NFIB: variants seen among roughly 807,000 people sequenced by gnomAD.
NFIB encodes nuclear factor I B.
A neutral mutation model predicts 61.5 loss-of-function variants in NFIB; 11 were observed. The observed-to-expected ratio is 0.18, with a 90% CI of 0.11 to 0.30. NFIB has a LOEUF of 0.30. NFIB is among the 10% of genes least tolerant of loss of function. The pLI is 1.00. For synonymous variants in NFIB, 260 were observed against 216.5 expected (o/e 1.20, Z -1.76); for missense variants, 471 against 608.9 (o/e 0.77, Z 2.38).
intron 1 of NFIB, among the ~76,000 whole-genome samples, chr9:14,381,790 T>C (rs976825950): frequency 1.3e-5 from 2 of 152,254 alleles, no homozygotes; most frequent in Non-Finnish European, 2.9e-5. Flanking sequence ...TACTAGAATG[T>C]AAGCTCTGAA....
chr9:14,101,656 G>C (rs960778272), intron 10 of NFIB, among the ~76,000 whole-genome samples: 35 of 152,068 alleles, frequency 2.3e-4, no homozygotes, highest in African/African-American at 8.2e-4. Context: ...TATTTAATTT[G>C]TCAATTTGAC....
the NFIB span, among the ~76,000 whole-genome samples, chr9:14,463,809 C>T: frequency 3.3e-5 from 5 of 152,032 alleles, no homozygotes; most frequent in Admixed American, 6.5e-5. Context: ...TACAGGCGCC[C>T]GCCACCAAGC....
chr9:14,149,699 C>G (rs924795640), intron 5 of NFIB, among the ~76,000 whole-genome samples: 6 of 152,070 alleles, frequency 3.9e-5, no homozygotes, highest in African/African-American at 1.4e-4. Flanking sequence ...AAACTGTGGT[C>G]TTTAATTTTA....
At chr9:14,414,101 C>T in the NFIB span, among the ~76,000 whole-genome samples, 1 of 152,110 alleles carries the variant, frequency 6.6e-6, no homozygotes, top group African/African-American at 2.4e-5. Flanking sequence ...TAGTGAGGCA[C>T]ATGCCATGTC....
Position 14,088,151 on chromosome 9 carries a change from AT to A in NFIB, c.*157del. 7.3e-7 allele frequency: 1 copy of A among 1,370,584 alleles called. No homozygotes were observed. Among genetic ancestry groups the A allele is most frequent in the Non-Finnish European group, 9.5e-7 (1 of 1,049,046 alleles). The allele number at this position is 1,370,584 out of a possible 1,614,324, so 84.9% of individuals were successfully genotyped here. On this transcript the variant is annotated 3_prime_UTR_variant, in exon 11 of 11. Coordinates refer to ENST00000380953, the MANE Select transcript of NFIB (RefSeq NM_001190737.2). ...AGTCTTCCTCTTTTCCTTTTTTTTT[AT>A]TTAAAAAAAAAATTTCTTAAACTAT...
At chr9:14,197,937 T>A (rs1161185560) in intron 2 of NFIB, among the ~76,000 whole-genome samples, 2 of 151,970 alleles carry the variant, frequency 1.3e-5, no homozygotes, top group South Asian at 2.1e-4. Context: ...AAAATTAAAC[T>A]GAGCTTAGGA....
intron 2 of NFIB, chr9:14,204,192 C>CA: frequency 1.9e-6 from 1 of 537,604 alleles, no homozygotes; most frequent in South Asian, 2.9e-5. Flanking sequence ...CTTTCTATGG[C>CA]ACAGGCCTCA....
the NFIB span, among the ~76,000 whole-genome samples, chr9:14,448,985 G>A: frequency 2.5e-3 from 377 of 152,274 alleles, 1 homozygote; most frequent in Non-Finnish European, 4.3e-3. Context: ...TAAAGGAAGA[G>A]CACTATGAGA....
At chr9:14,423,955 T>C in the NFIB span, among the ~76,000 whole-genome samples, 1 of 152,010 alleles carries the variant, frequency 6.6e-6, no homozygotes, top group Non-Finnish European at 1.5e-5. Flanking sequence ...TCGGCATGCA[T>C]CTCCACCAGA....
chr9:14,332,131 G>C (rs2060828694), intron 1 of NFIB, among the ~76,000 whole-genome samples: 1 of 152,016 alleles, frequency 6.6e-6, no homozygotes, highest in African/African-American at 2.4e-5. Context: ...TCAGGAGTTA[G>C]AGACCAGCCT....
At chr9:14,458,028 T>A in the NFIB span, among the ~76,000 whole-genome samples, 1 of 152,176 alleles carries the variant, frequency 6.6e-6, no homozygotes, top group African/African-American at 2.4e-5. Flanking sequence ...GAGGCCAGCA[T>A]CATCCTGATA....
At chr9:14,236,590 C>T (rs1026221854) in intron 2 of NFIB, among the ~76,000 whole-genome samples, 1 of 152,196 alleles carries the variant, frequency 6.6e-6, no homozygotes, top group Admixed American at 6.5e-5. Context: ...AGGGAAGTCA[C>T]TATCCTCTCT....
chr9:14,268,454 T>C lies in NFIB; in HGVS notation c.562+38535A>G, dbSNP rs187826914. On this transcript the variant is annotated intron_variant, in intron 2 of 10. Coordinates refer to ENST00000380953, the MANE Select transcript of NFIB (RefSeq NM_001190737.2). ...CTAGTCACCCTCCCCTGATGGTTCATGACCCCCAACTACCAACATGCTTTC... is the reference window on the plus strand; with the variant it reads ...CTAGTCACCCTCCCCTGATGGTTCACGACCCCCAACTACCAACATGCTTTC... 2.3e-3 allele frequency among the ~76,000 whole-genome samples: 351 copies of C among 152,306 alleles called. 1 individual carries two copies. The highest frequency in any genetic ancestry group is 7.0e-3 in the African/African-American group (293 of 41,564).
the NFIB span, among the ~76,000 whole-genome samples, chr9:14,415,627 T>A: frequency 6.6e-6 from 1 of 152,234 alleles, no homozygotes; most frequent in African/African-American, 2.4e-5. Context: ...AGAAGTTTCA[T>A]AATCTGTTAA....
rs977802271 is a variant in NFIB, at chr9:14,138,551, T to TA, written c.925+8137dup. ...AATTGATAATAGTACTGTGATTATGTAAAAAAAAAAAGTTCATTGTTCGAA... is the reference window on the plus strand; with the variant it reads ...AATTGATAATAGTACTGTGATTATGTAAAAAAAAAAAAGTTCATTGTTCGAA... On this transcript the variant is annotated intron_variant, in intron 6 of 10. Coordinates refer to ENST00000380953, the MANE Select transcript of NFIB (RefSeq NM_001190737.2). Among the ~76,000 whole-genome samples, 262 of 147,214 alleles carry TA rather than the reference T, an allele frequency of 1.8e-3. 1 individual carries two copies. The highest frequency in any genetic ancestry group is 5.2e-3 in the South Asian group (24 of 4,638).
At chr9:14,367,499 G>T (rs901519134) in intron 1 of NFIB, among the ~76,000 whole-genome samples, 1 of 152,036 alleles carries the variant, frequency 6.6e-6, no homozygotes, top group African/African-American at 2.4e-5. Flanking sequence ...GGGAATGAGG[G>T]TCAAAAGGTT....
intron 2 of NFIB, chr9:14,300,290 A>ACCCC: frequency 2.5e-6 from 1 of 398,326 alleles, no homozygotes; most frequent in Non-Finnish European, 4.4e-6. Context: ...CGATCGCATA[A>ACCCC]CCACTAGTCC....
At chr9:14,493,492 C>G in the NFIB span, among the ~76,000 whole-genome samples, 1 of 152,120 alleles carries the variant, frequency 6.6e-6, no homozygotes, top group Non-Finnish European at 1.5e-5. Context: ...GTTAAATTCT[C>G]CCATAATAGC....
chr9:14,442,361 A>C, the NFIB span, among the ~76,000 whole-genome samples: 2 of 152,158 alleles, frequency 1.3e-5, no homozygotes, highest in Non-Finnish European at 2.9e-5. Context: ...TATCTTCCAC[A>C]AGGGGTCGTT....
Sources: allele counts gnomAD v4.1 joint callset (sites outside exome capture counted in the v4.1 genomes callset), GRCh38; gene constraint gnomAD v4.1.1; transcripts MANE v1.5; gene names NCBI Gene and HGNC (gene_info 2026-07-23, HGNC 2026-07-21).